The following CFAP107 variants were observed in gnomAD, a reference collection of about 807,000 sequenced individuals.
CFAP107 encodes the protein cilia and flagella associated protein 107.
chr1:12,752,985 AAC>A, the CFAP107 span, among the ~76,000 whole-genome samples: 2 of 152,190 alleles, frequency 1.3e-5, no homozygotes, highest in Admixed American at 1.3e-4. Context: ...ATATATAGGA[AAC>A]ACACACACAT....
the CFAP107 span, among the ~76,000 whole-genome samples, chr1:12,756,266 C>T: frequency 6.6e-6 from 1 of 152,206 alleles, no homozygotes; most frequent in Non-Finnish European, 1.5e-5. Flanking sequence ...GGGCACTTGT[C>T]TAGGAATCAT....
chr1:12,752,838 C>T, the CFAP107 span, among the ~76,000 whole-genome samples: 1 of 151,886 alleles, frequency 6.6e-6, no homozygotes, highest in Non-Finnish European at 1.5e-5. Context: ...CACTTTTGTT[C>T]AACATAGTGC....
the CFAP107 span, among the ~76,000 whole-genome samples, chr1:12,749,882 C>G: frequency 2.6e-5 from 4 of 152,172 alleles, no homozygotes; most frequent in Non-Finnish European, 5.9e-5. Context: ...AACAAAAGGA[C>G]ATTAGACAGT....
At chr1:12,750,329 A>G in the CFAP107 span, among the ~76,000 whole-genome samples, 8 of 152,248 alleles carry the variant, frequency 5.3e-5, no homozygotes, top group Admixed American at 4.6e-4. Context: ...GCAAAAATCT[A>G]CAAGACATAC....
the CFAP107 span, among the ~76,000 whole-genome samples, chr1:12,756,471 C>T: frequency 5.3e-5 from 8 of 152,348 alleles, no homozygotes; most frequent in East Asian, 1.5e-3. Context: ...AAGCCGTCTC[C>T]TGCAATAACC....
At chr1:12,746,248 C>A in the CFAP107 span, 53,889 of 493,490 alleles carry the variant, frequency 0.11, 4,883 homozygotes, top group African/African-American at 0.35. Context: ...TAAAGGCTGA[C>A]AGTGAACTCT....
chr1:12,758,575 A>G, the CFAP107 span, among the ~76,000 whole-genome samples: 2 of 152,272 alleles, frequency 1.3e-5, no homozygotes, highest in African/African-American at 4.8e-5. Flanking sequence ...ACCATAGCAG[A>G]CACAGGCCTC....
the CFAP107 span, among the ~76,000 whole-genome samples, chr1:12,748,660 C>A: frequency 2.0e-5 from 3 of 151,168 alleles, no homozygotes; most frequent in Non-Finnish European, 4.4e-5. Context: ...CAATTTTCAA[C>A]GAAAAATCAC....
the CFAP107 span, among the ~76,000 whole-genome samples, chr1:12,752,766 T>C: frequency 4.8e-4 from 73 of 151,926 alleles, 1 homozygote; most frequent in Non-Finnish European, 3.1e-4. Context: ...TAATACCCAA[T>C]GGTGAAAGAT....
At chr1:12,746,323 G>A in the CFAP107 span, 5 of 765,358 alleles carry the variant, frequency 6.5e-6, no homozygotes, top group East Asian at 1.4e-4. Context: ...AGGCCAGCTG[G>A]GAAGACAAAA....
the CFAP107 span, among the ~76,000 whole-genome samples, chr1:12,748,646 C>A: frequency 6.6e-6 from 1 of 151,712 alleles, no homozygotes; most frequent in Admixed American, 6.6e-5. Context: ...GCTTTTCAAA[C>A]GCCCAATTTT....
At chr1:12,760,892 T>C in the CFAP107 span, 1 of 1,614,120 alleles carries the variant, frequency 6.2e-7, no homozygotes, top group Non-Finnish European at 8.5e-7. Flanking sequence ...CGCTATGTCC[T>C]GGAGGGAGCA....
chr1:12,758,261 C>A, the CFAP107 span, among the ~76,000 whole-genome samples: 6 of 152,128 alleles, frequency 3.9e-5, no homozygotes, highest in African/African-American at 1.4e-4. Flanking sequence ...TTTCCCAAAC[C>A]CTAATAAGGA....
At chr1:12,754,780 C>A in the CFAP107 span, among the ~76,000 whole-genome samples, 4 of 152,304 alleles carry the variant, frequency 2.6e-5, no homozygotes, top group East Asian at 7.7e-4. Flanking sequence ...TTGTGTGATT[C>A]TACTTACATA....
At chr1:12,760,679 GC>G in the CFAP107 span, 1 of 1,314,546 alleles carries the variant, frequency 7.6e-7, no homozygotes, top group East Asian at 2.4e-5. Flanking sequence ...AATCTCCAGG[GC>G]CCCTGCTGCC....
chr1:12,759,411 G>A, the CFAP107 span: 82 of 1,614,076 alleles, frequency 5.1e-5, no homozygotes, highest in South Asian at 7.7e-5. Context: ...GTTACAACCC[G>A]GGGCTGCCTC....
the CFAP107 span, chr1:12,759,300 GTCCT>G: frequency 6.2e-7 from 1 of 1,612,882 alleles, no homozygotes; most frequent in Non-Finnish European, 8.5e-7. Context: ...CACTGTGTCT[GTCCT>G]TCCAGGGGCT....
chr1:12,762,603 A>T, the CFAP107 span: 1 of 152,562 alleles, frequency 6.6e-6, no homozygotes, highest in Admixed American at 6.5e-5. Flanking sequence ...CAGCTGTGGG[A>T]TGGAGTGGAG....
the CFAP107 span, among the ~76,000 whole-genome samples, chr1:12,752,458 G>A: frequency 6.7e-6 from 1 of 149,206 alleles, no homozygotes; most frequent in Admixed American, 6.7e-5. Context: ...AGTGGCATGT[G>A]CCTGTAGTCC....
Sources: allele counts gnomAD v4.1 joint callset (sites outside exome capture counted in the v4.1 genomes callset), GRCh38; gene constraint gnomAD v4.1.1; transcripts MANE v1.5; gene names NCBI Gene and HGNC (gene_info 2026-07-23, HGNC 2026-07-21).